The following TBC1D13 variants were observed in gnomAD, a reference collection of about 807,000 sequenced individuals.
TBC1D13 encodes the protein epididymis secretory sperm binding protein.
In TBC1D13, 40 loss-of-function variants were observed where a neutral mutation model predicts 53.6. The observed-to-expected ratio is 0.75, with a 90% CI of 0.58 to 0.97. The LOEUF is 0.97. TBC1D13 is among the 50% of genes least tolerant of loss of function. TBC1D13 has a pLI of 0.00. For synonymous variants in TBC1D13, 182 were observed against 197.7 expected (o/e 0.92, Z 0.67); for missense variants, 377 against 499.4 (o/e 0.75, Z 2.34).
intron 6 of TBC1D13, among the ~76,000 whole-genome samples, chr9:128,793,929 C>T (rs1829580223): frequency 6.6e-6 from 1 of 152,220 alleles, no homozygotes; most frequent in Non-Finnish European, 1.5e-5. Context: ...CAGTCTCTGC[C>T]TTCTGAGAGC....
At chr9:128,807,784 A>T (rs760635055) in intron 11 of TBC1D13, 30 bp from the exon 12 acceptor site, 12 of 1,612,950 alleles carry the variant, frequency 7.4e-6, no homozygotes, top group Non-Finnish European at 9.3e-6. Context: ...GTGGCTTCAG[A>T]GGCAACTGTT....
intron 7 of TBC1D13, among the ~76,000 whole-genome samples, chr9:128,801,461 C>T (rs1339858668): frequency 6.6e-6 from 1 of 151,984 alleles, no homozygotes; most frequent in Non-Finnish European, 1.5e-5. Context: ...GGGCGGATCA[C>T]GAGGCCAGGA....
chr9:128,804,720 G>GTTTTTTTTTTT (rs1170366996), intron 9 of TBC1D13, among the ~76,000 whole-genome samples: 2 of 56,408 alleles, frequency 3.5e-5, no homozygotes, highest in African/African-American at 8.2e-5. Context: ...TTTTTTTTCT[G>GTTTTTTTTTTT]TTTTTTTTTT....
At chr9:128,801,128 C>T (rs1829725223) in intron 7 of TBC1D13, among the ~76,000 whole-genome samples, 1 of 152,102 alleles carries the variant, frequency 6.6e-6, no homozygotes, top group Admixed American at 6.6e-5. Context: ...GCCAAGATCA[C>T]TCCATTGCAC....
chr9:128,792,099 A>G (rs1203423396), intron 5 of TBC1D13, among the ~76,000 whole-genome samples: 2 of 152,230 alleles, frequency 1.3e-5, no homozygotes, highest in Non-Finnish European at 2.9e-5. Flanking sequence ...GCCCAGACTC[A>G]CAGATAGGAA....
At chr9:128,792,997 G>A (rs976623729) in intron 6 of TBC1D13, among the ~76,000 whole-genome samples, 8 of 152,220 alleles carry the variant, frequency 5.3e-5, no homozygotes, top group East Asian at 1.9e-4. Flanking sequence ...GATGGCATTC[G>A]TGGTAAATGC....
intron 7 of TBC1D13, among the ~76,000 whole-genome samples, chr9:128,801,215 TG>T (rs1341695689): frequency 2.6e-5 from 4 of 151,968 alleles, no homozygotes; most frequent in African/African-American, 7.2e-5. Context: ...TTAGCACATC[TG>T]GGAAGATTAA....
intron 7 of TBC1D13, among the ~76,000 whole-genome samples, chr9:128,800,367 CT>C (rs780656078): frequency 0.015 from 1,602 of 106,644 alleles, 14 homozygotes; most frequent in African/African-American, 0.054. Flanking sequence ...TATCTTCCAA[CT>C]TTTTTTTTTT....
chr9:128,792,539 C>A lies in TBC1D13; in HGVS notation c.348C>A (p.Asp116Glu). Residue 116 changes from aspartate (D) to glutamate (E), a missense_variant, in exon 6 of 12, where the codon GAC becomes GAA. Physicochemically the swap from Asp to Glu is conservative, Grantham distance 45. Coordinates refer to ENST00000372648, the MANE Select transcript of TBC1D13 (RefSeq NM_018201.5). Reference protein sequence around the residue: ...PDSRWNTYFKDNEVLLQIDKD... With the variant: ...PDSRWNTYFKENEVLLQIDKD... Reference sequence around the variant, plus strand: ...GCCGGTGGAACACGTACTTCAAGGACAACGAGGTGCTGCTGCAGATCGACA... The same window carrying A: ...GCCGGTGGAACACGTACTTCAAGGAAAACGAGGTGCTGCTGCAGATCGACA... 6.2e-7 allele frequency: 1 copy of A among 1,614,168 alleles called. No individual in the cohort carries two copies. Among genetic ancestry groups the A allele is most frequent in the Non-Finnish European group, 8.5e-7 (1 of 1,179,996 alleles).
chr9:128,805,699 A>G lies in TBC1D13; in HGVS notation c.919-160A>G, dbSNP rs1372276714. On this transcript the variant is annotated intron_variant, in intron 9 of 11. Transcript: ENST00000372648. ...GGCAGCAAACAGGCTCCGCCCCTTT[A>G]CCAGGCAAGGCTGTCCGGCAGCCTG... Among the ~76,000 whole-genome samples, 5 of 152,206 alleles carry G rather than the reference A, an allele frequency of 3.3e-5. No individual in the cohort carries two copies. In the South Asian group the frequency reaches 8.3e-4, roughly 25 times the overall value.
Position 128,807,907 on chromosome 9 carries a change from A to G in TBC1D13, c.*28A>G. The G allele has an allele frequency of 6.2e-7, 1 of 1,610,222 alleles. No individual in the cohort carries two copies. The highest frequency in any genetic ancestry group is 8.5e-7 in the Non-Finnish European group (1 of 1,176,482). On this transcript the variant is annotated 3_prime_UTR_variant, in exon 12 of 12. Coordinates refer to ENST00000372648, the MANE Select transcript of TBC1D13 (RefSeq NM_018201.5). ...CGGCGGCAAGAGGCCCATGTTCCGG[A>G]GAGAAGCCTCCCGACCCTGTGCCCT...
chr9:128,787,498 C>G, intron 1 of TBC1D13, 122 bp downstream of exon 1: 2 of 1,041,940 alleles, frequency 1.9e-6, no homozygotes, highest in Non-Finnish European at 2.5e-6. Context: ...CAGAGGGTCT[C>G]GAGCGTCCAC....
intron 2 of TBC1D13, among the ~76,000 whole-genome samples, chr9:128,789,665 C>T (rs1003665352): frequency 2.6e-5 from 4 of 151,938 alleles, no homozygotes; most frequent in African/African-American, 9.7e-5. Flanking sequence ...AGTTTATATT[C>T]CACAAATATG....
chr9:128,804,401 TA>T (rs1402617820), intron 9 of TBC1D13, among the ~76,000 whole-genome samples: 1 of 151,980 alleles, frequency 6.6e-6, no homozygotes, highest in African/African-American at 2.4e-5. Flanking sequence ...AGGTAAGTGT[TA>T]ACTTCATTTT....
At chr9:128,807,707 C>T (rs912686045) in intron 11 of TBC1D13, 107 bp from the exon 12 acceptor site, 3 of 1,189,322 alleles carry the variant, frequency 2.5e-6, no homozygotes, top group East Asian at 2.3e-5. Context: ...TGCTCCTGCC[C>T]CTGAGGCCCA....
At chr9:128,793,563 G>C (rs1829572793) in intron 6 of TBC1D13, among the ~76,000 whole-genome samples, 1 of 152,182 alleles carries the variant, frequency 6.6e-6, no homozygotes. Context: ...TTACTCTATT[G>C]TGAAGTAGGA....
Position 128,803,354 on chromosome 9 carries a change from C to G in TBC1D13, c.648C>G (p.Phe216Leu), listed in dbSNP as rs1829770930. 1 of 1,614,112 alleles carries G rather than the reference C, an allele frequency of 6.2e-7. No homozygotes were observed. The highest frequency in any genetic ancestry group is 8.5e-7 in the Non-Finnish European group (1 of 1,180,046). Reference sequence around the variant, plus strand: ...GGGAGGTGGTGGAGCGGATCCTGTTCATCTACGCCAAGCTCAACCCTGGCA... The same window carrying G: ...GGGAGGTGGTGGAGCGGATCCTGTTGATCTACGCCAAGCTCAACCCTGGCA... ...AHWEVVERILFIYAKLNPGIA... is the reference protein window; with the variant it reads ...AHWEVVERILLIYAKLNPGIA... The change falls in exon 8 of 12, where the codon TTC becomes TTG. Residue 216 changes from phenylalanine (F) to leucine (L), a missense_variant. Physicochemically the swap from Phe to Leu is conservative, Grantham distance 22 (BLOSUM62 0). Transcript: ENST00000372648.
Position 128,790,775 on chromosome 9 carries a change from G to A in TBC1D13, c.138G>A (p.Lys46=). The A allele has an allele frequency of 6.4e-7, 1 of 1,559,368 alleles. No homozygotes were observed. The highest frequency in any genetic ancestry group is 8.6e-7 in the Non-Finnish European group (1 of 1,161,572). The change falls in exon 3 of 12, where the codon AAG becomes AAA. Residue 46 remains lysine (K), a splice_region_variant and synonymous_variant. Coordinates refer to ENST00000372648, the MANE Select transcript of TBC1D13 (RefSeq NM_018201.5). ...GCGGACTGCGGTGCCTCTGCTGGAAGGTGGGTGTGCCTGGGGTGGGGCTTC... is the reference window on the plus strand; with the variant it reads ...GCGGACTGCGGTGCCTCTGCTGGAAAGTGGGTGTGCCTGGGGTGGGGCTTC... The part of the protein sequence containing the change: ...CEGGLRCLCW[K]ILLNYLPLER...
intron 9 of TBC1D13, 41 bp downstream of exon 9, chr9:128,804,160 G>A (rs943380479): frequency 1.9e-6 from 3 of 1,603,002 alleles, no homozygotes; most frequent in South Asian, 2.2e-5. Context: ...GGGACAGGAG[G>A]CAGAGAGTTG....
Sources: allele counts gnomAD v4.1 joint callset (sites outside exome capture counted in the v4.1 genomes callset), GRCh38; gene constraint gnomAD v4.1.1; transcripts MANE v1.5; gene names NCBI Gene and HGNC (gene_info 2026-07-23, HGNC 2026-07-21).